The following DPP10 variants were observed in gnomAD, a reference collection of about 807,000 sequenced individuals.
DPP10 encodes dipeptidyl peptidase like 10, also known as inactive dipeptidyl peptidase 10.
DPP10 carries 33 observed loss-of-function variants against 120.9 expected under a neutral mutation model. That is an observed-to-expected ratio of 0.27 (90% CI 0.21 to 0.37). DPP10 has a LOEUF of 0.37. DPP10 is among the 10% of genes least tolerant of loss of function. The pLI is 1.00. For missense variants in DPP10, 816 were observed against 942.8 expected (o/e 0.87, Z 1.76); for synonymous variants, 337 against 326.1 (o/e 1.03, Z -0.36).
At chr2:115,313,536 G>A (rs925805946) in intron 2 of DPP10, among the ~76,000 whole-genome samples, 4 of 152,128 alleles carry the variant, frequency 2.6e-5, no homozygotes, top group Non-Finnish European at 5.9e-5. Flanking sequence ...GAAGATGAAA[G>A]CATACAAAAA....
rs578014459 is a variant in DPP10, at chr2:115,721,664, A to G, written c.577-6152A>G. 5.3e-5 allele frequency among the ~76,000 whole-genome samples: 8 copies of G among 152,322 alleles called. No individual in the cohort carries two copies. In the East Asian group the frequency reaches 1.5e-3, roughly 29 times the overall value. On this transcript the variant is annotated intron_variant, in intron 7 of 25. Transcript: ENST00000410059. ...TCTCATACACTGTTCAGTATACAAA[A>G]TAATCCAGGTACTATACGAAGACAG... is the stretch of plus-strand genomic sequence containing the variant.
At chr2:115,402,854 A>AAATATATATATATAT (rs1476901026) in intron 3 of DPP10, among the ~76,000 whole-genome samples, 1 of 97,668 alleles carries the variant, frequency 1.0e-5, no homozygotes, top group African/African-American at 3.9e-5. Flanking sequence ...AAAAAAAAAA[A>AAATATATATATATAT]ATATATATAT....
In DPP10 at chr2:114,961,470, T is replaced by TGTGC. The variant is rs1553461676; in HGVS notation, c.61-347768_61-347767insTGCG. Among the ~76,000 whole-genome samples, 1,281 of 142,498 alleles carry TGTGC rather than the reference T, an allele frequency of 9.0e-3. 27 individuals carry two copies. The highest frequency in any genetic ancestry group is 0.031 in the African/African-American group (1,213 of 38,522). The allele number at this position is 142,498 out of a possible 152,430, so 93.5% of individuals were successfully genotyped here. A position where few individuals can be genotyped will look rare whatever the true frequency, so the allele number is the denominator to read the frequency against. On this transcript the variant is annotated intron_variant, in intron 1 of 25. Coordinates refer to ENST00000410059, the MANE Select transcript of DPP10 (RefSeq NM_020868.6). The stretch of plus-strand genomic sequence containing the variant: ...ATGCGTGTGTGTGTGTGTGTGTGTG[T>TGTGC]GCGCGCGCACATTTCAGAGAAACCT...
At chr2:115,193,471 A>G (rs562895135) in intron 1 of DPP10, among the ~76,000 whole-genome samples, 1 of 152,288 alleles carries the variant, frequency 6.6e-6, no homozygotes, top group South Asian at 2.1e-4. Flanking sequence ...TAAGTTTGGG[A>G]TTTTAATTAA....
chr2:114,689,066 T>G lies in DPP10; in HGVS notation c.60+246228T>G, dbSNP rs554845256. On this transcript the variant is annotated intron_variant, in intron 1 of 25. Coordinates refer to ENST00000410059, the MANE Select transcript of DPP10 (RefSeq NM_020868.6). ...TGGTTTGTTTTTTTTTAATTTCTAG[T>G]TTTTTTTTCTTCAACTGTTATTTTA... Among the ~76,000 whole-genome samples, 7 of 151,332 alleles carry G rather than the reference T, an allele frequency of 4.6e-5. No homozygotes were observed. In the East Asian group the frequency reaches 7.8e-4, roughly 17 times the overall value.
intron 1 of DPP10, among the ~76,000 whole-genome samples, chr2:114,777,930 TG>T (rs1681908139): frequency 6.6e-6 from 1 of 152,090 alleles, no homozygotes; most frequent in South Asian, 2.1e-4. Flanking sequence ...TGTAGGGTAG[TG>T]GTAAAGCATG....
intron 7 of DPP10, among the ~76,000 whole-genome samples, chr2:115,715,049 A>AC (rs2092445838): frequency 6.7e-6 from 1 of 148,572 alleles, no homozygotes; most frequent in Non-Finnish European, 1.5e-5. Flanking sequence ...AAAAAAAAAA[A>AC]TTATGAAAAG....
chr2:114,770,861 A>T lies in DPP10; in HGVS notation c.60+328023A>T, dbSNP rs568205027. On this transcript the variant is annotated intron_variant, in intron 1 of 25. Transcript: ENST00000410059. ...TCCAGGAACTACTCATATACTCAAA[A>T]TTTTTGAAATGAGTTTTATGTCTTG... Among the ~76,000 whole-genome samples, 10 of 151,310 alleles carry T rather than the reference A, an allele frequency of 6.6e-5. No homozygotes were observed. The South Asian group carries it at 2.0e-3, about 30-fold the overall frequency.
intron 1 of DPP10, among the ~76,000 whole-genome samples, chr2:114,657,860 A>G (rs1465665241): frequency 6.6e-6 from 1 of 152,184 alleles, no homozygotes; most frequent in Admixed American, 6.6e-5. Context: ...GTTATGTGCA[A>G]GATATCATCC....
At chr2:114,895,864 A>G (rs1318334728) in intron 1 of DPP10, among the ~76,000 whole-genome samples, 1 of 152,140 alleles carries the variant, frequency 6.6e-6, no homozygotes, top group African/African-American at 2.4e-5. Context: ...TAAAACTCCT[A>G]TTATAAAAGT....
intron 1 of DPP10, among the ~76,000 whole-genome samples, chr2:115,133,145 G>GTATATATATATA (rs1246180843): frequency 0.014 from 410 of 28,692 alleles, 11 homozygotes; most frequent in Non-Finnish European, 0.017. Flanking sequence ...GTGTGTGTGT[G>GTATATATATATA]TATATATATA....
intron 1 of DPP10, among the ~76,000 whole-genome samples, chr2:114,548,287 C>T (rs1174865837): frequency 6.6e-6 from 1 of 152,088 alleles, no homozygotes; most frequent in East Asian, 1.9e-4. Context: ...TTCCTGATTC[C>T]GTCATAGCAC....
At chr2:114,645,459 C>T (rs1331652427) in intron 1 of DPP10, among the ~76,000 whole-genome samples, 5 of 152,150 alleles carry the variant, frequency 3.3e-5, no homozygotes, top group South Asian at 2.1e-4. Flanking sequence ...GTTTACAGCA[C>T]GAGAACTGAA....
chr2:114,636,156 A>G lies in DPP10; in HGVS notation c.60+193318A>G, dbSNP rs572849750. 5.3e-4 allele frequency among the ~76,000 whole-genome samples: 81 copies of G among 152,156 alleles called. 1 individual carries two copies. The highest frequency in any genetic ancestry group is 3.4e-3 in the Middle Eastern group (1 of 294). ...AATCATGTTAATGTAAAAAGCAGAT[A>G]GTTCATTTCACAAGTCAAACATTTG... On this transcript the variant is annotated intron_variant, in intron 1 of 25. Coordinates refer to ENST00000410059, the MANE Select transcript of DPP10 (RefSeq NM_020868.6).
intron 4 of DPP10, among the ~76,000 whole-genome samples, chr2:115,520,177 G>T (rs1373288681): frequency 6.6e-6 from 1 of 152,080 alleles, no homozygotes; most frequent in Non-Finnish European, 1.5e-5. Flanking sequence ...AATTAGCCGG[G>T]CGTGGTGGCG....
At chr2:115,297,246 TG>T in intron 1 of DPP10, 2 of 379,316 alleles carry the variant, frequency 5.3e-6, no homozygotes, top group Non-Finnish European at 5.4e-6. Context: ...GGGCACACAC[TG>T]CTGTTCCTGT....
intron 1 of DPP10, among the ~76,000 whole-genome samples, chr2:115,230,324 G>A (rs939697506): frequency 2.6e-5 from 4 of 152,006 alleles, no homozygotes; most frequent in African/African-American, 9.7e-5. Context: ...CCTTGGTGGA[G>A]TCTTTAGGTT....
intron 7 of DPP10, among the ~76,000 whole-genome samples, chr2:115,715,886 G>A (rs567377261): frequency 1.3e-5 from 2 of 152,104 alleles, no homozygotes; most frequent in African/African-American, 4.8e-5. Flanking sequence ...ATTTTTCCAG[G>A]AAGTCTACCT....
At chr2:114,474,549 A>C (rs1471832640) in intron 1 of DPP10, among the ~76,000 whole-genome samples, 1 of 152,178 alleles carries the variant, frequency 6.6e-6, no homozygotes, top group Non-Finnish European at 1.5e-5. Context: ...TCTGTGCAAC[A>C]CAGGAAGAAT....
Sources: gnomAD v4.1 joint callset for allele counts (sites outside exome capture counted in the v4.1 genomes callset) on GRCh38, gnomAD v4.1.1 for gene constraint, MANE v1.5 for transcripts, NCBI Gene and HGNC (gene_info 2026-07-23, HGNC 2026-07-21) for gene names.